Variants in CASZ1 observed in about 807,000 individuals in gnomAD.
CASZ1 encodes the protein zinc finger protein castor homolog 1.
Under a neutral mutation model 135.2 loss-of-function variants are expected in CASZ1, and 28 were observed. That is an observed-to-expected ratio of 0.21 (90% CI 0.15 to 0.28). The LOEUF is 0.28. CASZ1 is among the 10% of genes least tolerant of loss of function. CASZ1 has a pLI of 1.00. For missense variants in CASZ1, 2,161 were observed against 2,453.3 expected, an observed-to-expected ratio of 0.88 and a Z score of 2.52; for synonymous variants, 1,068 against 1,073.4, an observed-to-expected ratio of 0.99 and a Z score of 0.10.
Position 10,794,149 on chromosome 1 carries a change from G to A in CASZ1, c.-234+2415C>T, listed in dbSNP as rs1641016965. Among the ~76,000 whole-genome samples the A allele has an allele frequency of 6.6e-6, 1 of 150,898 alleles. No individual in the cohort carries two copies. The highest frequency in any genetic ancestry group is 2.4e-5 in the African/African-American group (1 of 40,948). The stretch of plus-strand genomic sequence containing the variant: ...AGGACGGCGACGTGTGTGTGTGCGC[G>A]TGTGTGTGCGTGTTTGTATGTGTAT... On this transcript the variant is annotated intron_variant, in intron 1 of 20. Coordinates refer to ENST00000377022, the MANE Select transcript of CASZ1 (RefSeq NM_001079843.3). The surrounding 1 kb of genome is among the most constrained non-coding windows in gnomAD (Gnocchi z 5.6).
chr1:10,694,444 A>C lies in CASZ1; in HGVS notation c.-23-532T>G. On this transcript the variant is annotated intron_variant, in intron 3 of 20. Coordinates refer to ENST00000377022, the MANE Select transcript of CASZ1 (RefSeq NM_001079843.3). This position sits in a 1 kb window ranked among gnomAD's most constrained non-coding sequence, Gnocchi z 6.6. ...GCTCCTGCCGGTAACACTCAGGGTA[A>C]CAGTTTGGCAGGAGGGAGCGGGCGG... 2 of 322,752 alleles carry C rather than the reference A, an allele frequency of 6.2e-6. No homozygotes were observed. The highest frequency in any genetic ancestry group is 9.4e-6 in the Non-Finnish European group (2 of 212,180). 20.0% of individuals were successfully genotyped at this position (322,752 alleles called of 1,614,324 possible). A position where few individuals can be genotyped will look rare whatever the true frequency, so the allele number is the denominator to read the frequency against.
chr1:10,641,818 C>A (rs574298785), intron 20 of CASZ1, among the ~76,000 whole-genome samples: 4 of 152,258 alleles, frequency 2.6e-5, no homozygotes, highest in African/African-American at 9.6e-5. Context: ...AGTGCTCTGG[C>A]CTGCCCAGCA....
At position 10,661,799 on chromosome 1, in the gene CASZ1, TCA is replaced by T. The variant is rs557582262; in HGVS notation, c.506-1265_506-1264del. On this transcript the variant is annotated intron_variant, in intron 5 of 20. Transcript: ENST00000377022. Reference sequence around the variant, plus strand: ...GCATTCACAACACACACATCCATTCTCACACACACACCCACAGTCACATGTAC... The same window carrying T: ...GCATTCACAACACACACATCCATTCTCACACACACCCACAGTCACATGTAC... 4.7e-5 allele frequency among the ~76,000 whole-genome samples: 7 copies of T among 148,412 alleles called. 1 individual carries two copies. The South Asian group carries it at 1.1e-3, about 23-fold the overall frequency.
intron 18 of CASZ1, among the ~76,000 whole-genome samples, chr1:10,643,876 ACAC>A (rs1642285011): frequency 6.6e-6 from 1 of 152,226 alleles, no homozygotes; most frequent in African/African-American, 2.4e-5. Context: ...ATCGCCAAAA[ACAC>A]CACAAGTTGA....
chr1:10,716,180 G>A (rs1189023081), intron 2 of CASZ1, among the ~76,000 whole-genome samples: 28 of 123,336 alleles, frequency 2.3e-4, no homozygotes, highest in African/African-American at 8.6e-4. Context: ...CACCCAATCC[G>A]CTCTCCACAG....
intron 1 of CASZ1, among the ~76,000 whole-genome samples, chr1:10,766,453 G>GT (rs1640480107): frequency 6.6e-6 from 1 of 152,190 alleles, no homozygotes; most frequent in South Asian, 2.1e-4. Flanking sequence ...CTTCTTACGT[G>GT]TAACATGCTG....
Position 10,747,401 on chromosome 1 carries a change from C to A in CASZ1, c.-77+13300G>T, listed in dbSNP as rs1457095561. Reference sequence around the variant, plus strand: ...AGCACCTGCCAAACCGTGGCGGAAGCAATGGCTGCCATTGAGGGTCTAACA... The same window carrying A: ...AGCACCTGCCAAACCGTGGCGGAAGAAATGGCTGCCATTGAGGGTCTAACA... On this transcript the variant is annotated intron_variant, in intron 2 of 20. Transcript: ENST00000377022. The surrounding 1 kb of genome is among the most constrained non-coding windows in gnomAD (Gnocchi z 4.3). 6.6e-6 allele frequency among the ~76,000 whole-genome samples: 1 copy of A among 152,228 alleles called. No individual in the cohort carries two copies. Among genetic ancestry groups the A allele is most frequent in the Non-Finnish European group, 1.5e-5 (1 of 68,042 alleles).
Position 10,660,221 on chromosome 1 carries a change from G to A in CASZ1, c.821C>T (p.Pro274Leu). The change falls in exon 6 of 21, where the codon CCC becomes CTC. Residue 274 changes from proline (P) to leucine (L), a missense_variant. Around this residue, in one of 7 missense-constraint regions of CASZ1, gnomAD observed 590 missense variants for 609.8 expected, o/e 0.97. Transcript: ENST00000377022. Reference sequence around the variant, plus strand: ...CGTGCTGCTGGGCAGCCGCAGGCCGGGCAGGGTGCCCACCACCTCCTTGCC... The same window carrying A: ...CGTGCTGCTGGGCAGCCGCAGGCCGAGCAGGGTGCCCACCACCTCCTTGCC... ...RVGKEVVGTLPGLRLPSSTAH... is the reference protein window; with the variant it reads ...RVGKEVVGTLLGLRLPSSTAH... The A allele has an allele frequency of 6.2e-7, 1 of 1,613,008 alleles. No individual in the cohort carries two copies. Among genetic ancestry groups the A allele is most frequent in the Non-Finnish European group, 8.5e-7 (1 of 1,179,770 alleles).
At chr1:10,664,004 T>C (rs1007267501) in intron 5 of CASZ1, among the ~76,000 whole-genome samples, 1 of 152,194 alleles carries the variant, frequency 6.6e-6, no homozygotes, top group Admixed American at 6.5e-5. Flanking sequence ...ACAATCACCT[T>C]GTGTCTGGCA....
chr1:10,643,869 G>A (rs1008638510), intron 18 of CASZ1, among the ~76,000 whole-genome samples: 4 of 152,160 alleles, frequency 2.6e-5, no homozygotes, highest in Admixed American at 6.5e-5. Context: ...CCCAACTATC[G>A]CCAAAAACAC....
intron 2 of CASZ1, among the ~76,000 whole-genome samples, chr1:10,742,705 C>T (rs181578333): frequency 1.7e-3 from 254 of 152,200 alleles, no homozygotes; most frequent in Non-Finnish European, 2.5e-3. Flanking sequence ...AGCCTCTGGC[C>T]GGGTGTGGTG....
At chr1:10,680,161 G>A (rs914144553) in intron 4 of CASZ1, among the ~76,000 whole-genome samples, 1 of 152,080 alleles carries the variant, frequency 6.6e-6, no homozygotes, top group Non-Finnish European at 1.5e-5. Context: ...CTGACCTCTG[G>A]GCAAAGGCTG....
chr1:10,653,363 C>G lies in CASZ1; in HGVS notation c.2680+14G>C. On this transcript the variant is annotated intron_variant, in intron 11 of 20. Transcript: ENST00000377022. ...GAAGGTGCCTGCTTTCTGGGCAGGA[C>G]CCAGCCTGCTCACCTGGGTCAAAGG... 6.2e-7 allele frequency: 1 copy of G among 1,612,906 alleles called. No individual in the cohort carries two copies. Among genetic ancestry groups the G allele is most frequent in the South Asian group, 1.1e-5 (1 of 91,036 alleles).
chr1:10,795,177 C>G lies in CASZ1; in HGVS notation c.-234+1387G>C, dbSNP rs545273919. ...GAATCGGCCCCCTGCCCCGGGAGATCCCTGACTCGGTCTGGCCCGATCCCC... is the reference window on the plus strand; with the variant it reads ...GAATCGGCCCCCTGCCCCGGGAGATGCCTGACTCGGTCTGGCCCGATCCCC... On this transcript the variant is annotated intron_variant, in intron 1 of 20. Coordinates refer to ENST00000377022, the MANE Select transcript of CASZ1 (RefSeq NM_001079843.3). 1.8e-3 allele frequency among the ~76,000 whole-genome samples: 272 copies of G among 151,900 alleles called. 10 individuals carry two copies. In the East Asian group the frequency reaches 0.048, roughly 27 times the overall value.
At chr1:10,723,887 C>T (rs1169618946) in intron 2 of CASZ1, among the ~76,000 whole-genome samples, 1 of 152,234 alleles carries the variant, frequency 6.6e-6, no homozygotes, top group East Asian at 1.9e-4. Context: ...TCAGCACTGC[C>T]TGGGTCATGT....
intron 17 of CASZ1, among the ~76,000 whole-genome samples, chr1:10,645,478 C>A (rs1003760155): frequency 6.6e-5 from 10 of 152,096 alleles, no homozygotes; most frequent in African/African-American, 1.9e-4. Context: ...TGCAGTGAGC[C>A]GAGATCGTGC....
chr1:10,661,347 C>G (rs1339337070), intron 5 of CASZ1: 2 of 152,270 alleles, frequency 1.3e-5, no homozygotes, highest in African/African-American at 4.8e-5. Flanking sequence ...ACCAGGAAGC[C>G]TGGAGCCACC....
chr1:10,740,960 C>CAAAAAAAAAAAA (rs374464130), intron 2 of CASZ1, among the ~76,000 whole-genome samples: 2 of 61,480 alleles, frequency 3.3e-5, no homozygotes, highest in Admixed American at 2.2e-4. Context: ...CCTGTCTGGA[C>CAAAAAAAAAAAA]AAAAAAAAAA....
At chr1:10,771,665 C>CCTA (rs1640579600) in intron 1 of CASZ1, among the ~76,000 whole-genome samples, 1 of 152,022 alleles carries the variant, frequency 6.6e-6, no homozygotes, top group Non-Finnish European at 1.5e-5. Context: ...CTTTCCTCCT[C>CCTA]CTCCTCCTCC....
Sources: gnomAD v4.1 joint callset for allele counts (sites outside exome capture counted in the v4.1 genomes callset) on GRCh38, gnomAD v4.1.1 for gene constraint, gnomAD v4.1.1 regional missense constraint, Gnocchi (gnomAD v3.1) non-coding constraint, MANE v1.5 for transcripts, NCBI Gene and HGNC (gene_info 2026-07-23, HGNC 2026-07-21) for gene names.